SENP6: variants seen among roughly 807,000 people sequenced by gnomAD.
The protein encoded by SENP6 is SUMO specific peptidase 6, also known as sentrin-specific protease 6.
Under a neutral mutation model 134.5 loss-of-function variants are expected in SENP6, and 41 were observed. The observed-to-expected ratio is 0.30, with a 90% CI of 0.24 to 0.40. The LOEUF (loss-of-function observed/expected upper bound fraction) is 0.40. Among genes scored for constraint, SENP6 ranks in the 10% least tolerant of loss-of-function variants. The probability of loss-of-function intolerance (pLI) is 1.00; values close to 1 mark genes in which losing one functional copy is unlikely to be tolerated. For synonymous variants in SENP6, 395 were observed against 429.8 expected, an observed-to-expected ratio of 0.92 and a Z score of 1.00; for missense variants, 1,248 against 1,312.5, an observed-to-expected ratio of 0.95 and a Z score of 0.76.
In SENP6 at chr6:75,702,690, A is replaced by G. The variant is rs768612382; in HGVS notation, c.2334A>G (p.Lys778=). ...TTGTTTGTTTCCCCGGTTTGGAAAA[A>G]CCAAAGTATGAACCTAATCCTCATT... ...LAVVCFPGLE[K]PKYEPNPHYH... The change falls in exon 19 of 24, where the codon AAA becomes AAG. Residue 778 remains lysine (K), a synonymous_variant. Transcript: ENST00000447266. The G allele has an allele frequency of 2.6e-5, 42 of 1,602,810 alleles. No homozygotes were observed. Among genetic ancestry groups the G allele is most frequent in the Non-Finnish European group, 6.0e-6 (7 of 1,173,968 alleles).
chr6:75,663,538 T>C lies in SENP6; in HGVS notation c.994+20T>C. ...ATCCAAGTAAGTATTTTACTCCCTT[T>C]AATATTGCTTATATCAATCCAGTAT... On this transcript the variant is annotated intron_variant, in intron 9 of 23. Transcript: ENST00000447266. 1.9e-6 allele frequency: 3 copies of C among 1,559,294 alleles called. No homozygotes were observed. The highest frequency in any genetic ancestry group is 2.6e-6 in the Non-Finnish European group (3 of 1,145,854).
At chr6:75,679,399 C>T (rs948808115) in intron 16 of SENP6, 1 of 155,974 alleles carries the variant, frequency 6.4e-6, no homozygotes, top group African/African-American at 2.4e-5. Flanking sequence ...AAGCAAAACT[C>T]TACCCCCACA....
chr6:75,622,590 T>C (rs1327454551), intron 2 of SENP6, among the ~76,000 whole-genome samples: 2 of 152,146 alleles, frequency 1.3e-5, no homozygotes, highest in African/African-American at 4.8e-5. Flanking sequence ...AAAACATTGT[T>C]TTTAGTTTTT....
rs76693226 is a variant in SENP6 at position 75,678,961 on chromosome 6, C to T, written c.2075+34C>T. 8,998 of 1,014,380 alleles carry T rather than the reference C, an allele frequency of 8.9e-3. 59 individuals carry two copies. Among genetic ancestry groups the T allele is most frequent in the Non-Finnish European group, 0.012 (7,777 of 653,210 alleles). 62.8% of individuals were successfully genotyped at this position (1,014,380 alleles called of 1,614,324 possible). ...ATTTTCCACTGATCTTTTATTAAAT[C>T]TTTAACATTCCGTCATATCTTATGT... On this transcript the variant is annotated intron_variant, in intron 16 of 23. Coordinates refer to ENST00000447266, the MANE Select transcript of SENP6 (RefSeq NM_015571.4).
At chr6:75,631,864 C>G (rs949185421) in intron 3 of SENP6, among the ~76,000 whole-genome samples, 3 of 152,188 alleles carry the variant, frequency 2.0e-5, no homozygotes, top group Non-Finnish European at 4.4e-5. Context: ...CCCTTAAAGA[C>G]TCCCAGTGAA....
chr6:75,711,266 G>T (rs564443337), intron 20 of SENP6, 62 bp from the exon 21 acceptor site: 12 of 1,211,948 alleles, frequency 9.9e-6, no homozygotes, highest in Non-Finnish European at 1.4e-5. Context: ...GTGCTATTTT[G>T]TTAGGTTATT....
chr6:75,691,510 T>G (rs1174329146), intron 16 of SENP6, among the ~76,000 whole-genome samples: 1 of 152,234 alleles, frequency 6.6e-6, no homozygotes, highest in African/African-American at 2.4e-5. Flanking sequence ...AAATGATGTA[T>G]GCACTTAGAG....
chr6:75,640,773 G>GA, intron 6 of SENP6, 69 bp downstream of exon 6: 1 of 963,886 alleles, frequency 1.0e-6, no homozygotes, highest in Non-Finnish European at 1.5e-6. Flanking sequence ...TATATGTTTT[G>GA]AAAAATATTG....
chr6:75,666,084 A>G (rs986908794), intron 9 of SENP6, among the ~76,000 whole-genome samples: 1 of 118,484 alleles, frequency 8.4e-6, no homozygotes, highest in Non-Finnish European at 1.8e-5. Flanking sequence ...ATATATATAA[A>G]ACGTATATAT....
Position 75,616,821 on chromosome 6 carries a change from T to C in SENP6, c.53-4711T>C, listed in dbSNP as rs990573757. On this transcript the variant is annotated intron_variant, in intron 1 of 23. Transcript: ENST00000447266. ...AGTGCATAAATATTACGACGTCTCT[T>C]TTGACTTTTGAAACATAGGTTCATT... is the stretch of plus-strand genomic sequence containing the variant. Among the ~76,000 whole-genome samples the C allele has an allele frequency of 2.7e-4, 41 of 152,094 alleles. 1 individual carries two copies. Among genetic ancestry groups the C allele is most frequent in the Admixed American group, 2.2e-3 (34 of 15,266 alleles).
chr6:75,663,279 T>C lies in SENP6; in HGVS notation c.755T>C (p.Leu252Ser). The C allele has an allele frequency of 1.2e-6, 2 of 1,613,702 alleles. No individual in the cohort carries two copies. The highest frequency in any genetic ancestry group is 1.7e-6 in the Non-Finnish European group (2 of 1,179,722). ...TTGAATGAGTCTACTGGACCATTAT[T>C]AAGAACGTCAATTCATCAGAATTCT... ...ITLNESTGPL[L>S]RTSIHQNSGG... is the part of the protein sequence containing the mutation. Residue 252 changes from leucine to serine, a missense_variant, in exon 9 of 24, where the codon TTA (leucine) becomes TCA (serine). Around this residue, in one of 3 missense-constraint regions of SENP6, gnomAD observed 733 missense variants for 725.4 expected, o/e 1.01. Coordinates refer to ENST00000447266, the MANE Select transcript of SENP6 (RefSeq NM_015571.4).
At chr6:75,696,673 C>T (rs1349698508) in intron 17 of SENP6, among the ~76,000 whole-genome samples, 1 of 152,116 alleles carries the variant, frequency 6.6e-6, no homozygotes, top group East Asian at 1.9e-4. Flanking sequence ...GACAGGGTTT[C>T]ACCATGTTTC....
At position 75,659,307 on chromosome 6, in the gene SENP6, C is replaced by G; in HGVS notation, c.596C>G (p.Pro199Arg). The G allele has an allele frequency of 1.2e-6, 2 of 1,612,502 alleles. No individual in the cohort carries two copies. The highest frequency in any genetic ancestry group is 1.7e-6 in the Non-Finnish European group (2 of 1,178,790). Residue 199 changes from proline (P) to arginine (R), a missense_variant, in exon 8 of 24, where the codon CCT becomes CGT. By Grantham distance (103) the Pro-to-Arg change is moderately radical (BLOSUM62 -2). Around this residue, in one of 3 missense-constraint regions of SENP6, gnomAD observed 733 missense variants for 725.4 expected, o/e 1.01. Transcript: ENST00000447266. The part of the protein sequence containing the change: ...KTEESESQVE[P>R]EIKRKVQQKR... ...GAAGAGTCCGAATCACAAGTGGAGC[C>G]TGAAATTAAGAGGAAAGTACAACAG...
At chr6:75,636,055 AC>A (rs1291880743) in intron 5 of SENP6, among the ~76,000 whole-genome samples, 1 of 152,046 alleles carries the variant, frequency 6.6e-6, no homozygotes, top group Non-Finnish European at 1.5e-5. Context: ...TTAAAAAAAA[AC>A]AACCCGTTAA....
rs1415128121 is a variant in SENP6, at chr6:75,663,516, C to T, written c.992C>T (p.Pro331Leu). 2 of 1,603,304 alleles carry T rather than the reference C, an allele frequency of 1.2e-6. No individual in the cohort carries two copies. The highest frequency in any genetic ancestry group is 1.1e-5 in the South Asian group (1 of 89,880). ...RKTSLSDLND[P>L]IILSSDDDDD... ...ACAAGTTTGTCAGACCTAAATGATC[C>T]AAGTAAGTATTTTACTCCCTTTAAT... Residue 331 changes from proline to leucine, a missense_variant and splice_region_variant, in exon 9 of 24, where the codon CCA (proline) becomes CTA (leucine). Transcript: ENST00000447266.
intron 16 of SENP6, among the ~76,000 whole-genome samples, chr6:75,684,553 T>G (rs1343772059): frequency 1.3e-5 from 2 of 152,218 alleles, no homozygotes; most frequent in African/African-American, 4.8e-5. Flanking sequence ...ATAGCTCTTA[T>G]TATTTTGAGA....
intron 1 of SENP6, among the ~76,000 whole-genome samples, chr6:75,617,362 C>T (rs763220740): frequency 7.2e-6 from 1 of 139,472 alleles, no homozygotes; most frequent in African/African-American, 2.7e-5. Context: ...CGACCTCCGT[C>T]TCCTGGGTTC....
At chr6:75,619,000 G>T (rs963370139) in intron 1 of SENP6, among the ~76,000 whole-genome samples, 1 of 134,562 alleles carries the variant, frequency 7.4e-6, no homozygotes, top group African/African-American at 2.8e-5. Flanking sequence ...ATGTTTGCTT[G>T]TGTTAGTCAC....
intron 6 of SENP6, among the ~76,000 whole-genome samples, chr6:75,642,141 A>G (rs978497194): frequency 1.3e-5 from 2 of 152,258 alleles, no homozygotes; most frequent in Non-Finnish European, 2.9e-5. Context: ...CCTTTTAGGC[A>G]TACGCTTTTA....
Sources: allele counts gnomAD v4.1 joint callset (sites outside exome capture counted in the v4.1 genomes callset), GRCh38; gene constraint gnomAD v4.1.1; regional missense constraint gnomAD v4.1.1; transcripts MANE v1.5; gene names NCBI Gene and HGNC (gene_info 2026-07-23, HGNC 2026-07-21).